The following NOL4 variants were observed in gnomAD, a reference collection of about 807,000 sequenced individuals.
NOL4 encodes the protein cancer/testis antigen 125.
Under a neutral mutation model 75.9 loss-of-function variants are expected in NOL4, and 17 were observed. That is an observed-to-expected ratio of 0.22 (90% CI 0.15 to 0.34). The LOEUF is 0.34. Ranked by LOEUF, NOL4 falls within the 10% of genes least tolerant of loss-of-function variation. NOL4 has a pLI of 1.00. For synonymous variants in NOL4, 292 were observed against 289.9 expected (o/e 1.01, Z -0.07); for missense variants, 614 against 793.5 (o/e 0.77, Z 2.72).
At chr18:34,118,470 AT>A (rs1380425786) in intron 2 of NOL4, among the ~76,000 whole-genome samples, 2 of 152,216 alleles carry the variant, frequency 1.3e-5, no homozygotes, top group African/African-American at 4.8e-5. Context: ...AACAGAGCCT[AT>A]AAATCCAAAT....
At chr18:34,204,672 T>C (rs1414857023) in intron 1 of NOL4, among the ~76,000 whole-genome samples, 11 of 152,136 alleles carry the variant, frequency 7.2e-5, no homozygotes, top group Admixed American at 5.9e-4. Context: ...AATTGTTTCA[T>C]AGATAAATGA....
intron 9 of NOL4, among the ~76,000 whole-genome samples, chr18:33,914,367 A>C (rs1052915306): frequency 1.4e-4 from 21 of 152,092 alleles, no homozygotes; most frequent in African/African-American, 4.3e-4. Context: ...ATAGGAGAGG[A>C]GGTGAGAGAA....
intron 1 of NOL4, among the ~76,000 whole-genome samples, chr18:34,162,272 C>A (rs2031609761): frequency 1.3e-5 from 2 of 152,082 alleles, no homozygotes; most frequent in African/African-American, 4.8e-5. Context: ...ACACAAAAAA[C>A]CCTTCAAAAA....
At chr18:33,937,101 G>A (rs1348729052) in intron 9 of NOL4, among the ~76,000 whole-genome samples, 5 of 151,920 alleles carry the variant, frequency 3.3e-5, no homozygotes, top group East Asian at 1.9e-4. Context: ...CCTAGATAAC[G>A]TAAAAAATAC....
chr18:34,142,643 G>A (rs2081221634), intron 1 of NOL4, among the ~76,000 whole-genome samples: 1 of 152,072 alleles, frequency 6.6e-6, no homozygotes, highest in Admixed American at 6.6e-5. Flanking sequence ...AGAACACTTG[G>A]ACACAGGAAG....
chr18:33,978,711 A>T (rs957236729), intron 6 of NOL4, among the ~76,000 whole-genome samples: 43 of 152,084 alleles, frequency 2.8e-4, no homozygotes, highest in Middle Eastern at 3.2e-3. Flanking sequence ...TAGTATTTGC[A>T]TACTACCTAT....
intron 9 of NOL4, among the ~76,000 whole-genome samples, chr18:33,928,417 G>A (rs2145375870): frequency 6.6e-6 from 1 of 152,114 alleles, no homozygotes; most frequent in Non-Finnish European, 1.5e-5. Context: ...AAACCAAACA[G>A]TAAAGTAGAA....
chr18:34,210,413 A>T (rs2036435314), intron 1 of NOL4, among the ~76,000 whole-genome samples: 1 of 152,310 alleles, frequency 6.6e-6, no homozygotes, highest in South Asian at 2.1e-4. Context: ...TAAATTTTGC[A>T]CTCATTTTCT....
intron 6 of NOL4, among the ~76,000 whole-genome samples, chr18:34,012,115 T>C (rs1441225333): frequency 1.3e-5 from 2 of 151,908 alleles, no homozygotes; most frequent in East Asian, 3.9e-4. Context: ...CAATAACATA[T>C]AGAGAATATG....
chr18:34,111,111 T>C (rs1394862212), intron 2 of NOL4, among the ~76,000 whole-genome samples: 1 of 152,030 alleles, frequency 6.6e-6, no homozygotes, highest in Admixed American at 6.5e-5. Flanking sequence ...GTGGAAGAAA[T>C]AAATTGGCCC....
chr18:33,975,017 C>A (rs368274946), intron 6 of NOL4, among the ~76,000 whole-genome samples: 5 of 152,186 alleles, frequency 3.3e-5, no homozygotes, highest in African/African-American at 1.2e-4. Context: ...TCACACACTG[C>A]AACATGGATG....
intron 10 of NOL4, among the ~76,000 whole-genome samples, chr18:33,861,066 G>A (rs1246458842): frequency 6.6e-6 from 1 of 152,158 alleles, no homozygotes; most frequent in Non-Finnish European, 1.5e-5. Flanking sequence ...TTGCATCAAT[G>A]TTCATCAAGG....
At chr18:34,056,657 T>G (rs1201539532) in intron 5 of NOL4, among the ~76,000 whole-genome samples, 1 of 152,180 alleles carries the variant, frequency 6.6e-6, no homozygotes, top group Non-Finnish European at 1.5e-5. Flanking sequence ...AGAGCCCTTG[T>G]ATGGAATGTT....
intron 10 of NOL4, among the ~76,000 whole-genome samples, chr18:33,867,288 A>C (rs2063478560): frequency 6.6e-6 from 1 of 152,146 alleles, no homozygotes; most frequent in Non-Finnish European, 1.5e-5. Context: ...TTTGGAGATT[A>C]AACTTGTGTT....
chr18:34,034,564 C>A (rs1041293727), intron 5 of NOL4, among the ~76,000 whole-genome samples: 4 of 152,226 alleles, frequency 2.6e-5, no homozygotes, highest in Non-Finnish European at 4.4e-5. Context: ...CACAGCAAAA[C>A]CCTGTCTCCA....
rs2037478513 is a variant in NOL4 at position 34,223,915 on chromosome 18, T to G, written c.-662A>C. ...AAAGAGAAAGTTCTTACCTGTCATG[T>G]TTTTAAACCTATCAAATTCTGTTTT... On this transcript the variant is annotated 5_prime_UTR_variant, in exon 1 of 11. Transcript: ENST00000261592. The G allele has an allele frequency of 6.6e-6, 1 of 152,290 alleles. No individual in the cohort carries two copies. The highest frequency in any genetic ancestry group is 2.4e-5 in the African/African-American group (1 of 41,480). The allele number at this position is 152,290 out of a possible 1,614,324, so 9.4% of individuals were successfully genotyped here.
At chr18:34,135,373 T>G (rs180779754) in intron 1 of NOL4, among the ~76,000 whole-genome samples, 22 of 152,142 alleles carry the variant, frequency 1.4e-4, no homozygotes, top group Non-Finnish European at 2.5e-4. Context: ...TATAGGCCTA[T>G]CACAAGTATA....
intron 4 of NOL4, among the ~76,000 whole-genome samples, chr18:34,101,873 G>A (rs528797703): frequency 6.6e-6 from 1 of 151,874 alleles, no homozygotes; most frequent in African/African-American, 2.4e-5. Context: ...ATATTACTCA[G>A]AGTAAAATTT....
intron 9 of NOL4, among the ~76,000 whole-genome samples, chr18:33,915,139 A>G (rs886470537): frequency 6.6e-6 from 1 of 152,184 alleles, no homozygotes; most frequent in African/African-American, 2.4e-5. Flanking sequence ...CAAAGTAATC[A>G]ACCGTGACAA....
Sources: allele counts gnomAD v4.1 joint callset (sites outside exome capture counted in the v4.1 genomes callset), GRCh38; gene constraint gnomAD v4.1.1; transcripts MANE v1.5; gene names NCBI Gene and HGNC (gene_info 2026-07-23, HGNC 2026-07-21).